Variants in VPS13B observed in about 807,000 individuals in gnomAD.
VPS13B encodes the protein vacuolar protein sorting 13 homolog B, also known as intermembrane lipid transfer protein VPS13B.
In VPS13B, 285 loss-of-function variants were observed where a neutral mutation model predicts 426.4. The observed-to-expected ratio is 0.67, with a 90% CI of 0.61 to 0.74. The LOEUF (loss-of-function observed/expected upper bound fraction) is 0.74, where lower values mean the gene tolerates loss of function less well. VPS13B is among the 30% of genes least tolerant of loss of function. The probability of loss-of-function intolerance (pLI) is 0.00; values close to 1 mark genes in which losing one functional copy is unlikely to be tolerated. For missense variants in VPS13B, 4,537 were observed against 4,782.6 expected (o/e 0.95, Z 1.51); for synonymous variants, 1,676 against 1,676.4 (o/e 1.00, Z 0.01).
chr8:99,568,796 C>T (rs1330629984), intron 31 of VPS13B, among the ~76,000 whole-genome samples: 4 of 150,640 alleles, frequency 2.7e-5, no homozygotes, highest in African/African-American at 9.7e-5. Context: ...GTGATAACCA[C>T]AAGTTTTTTT....
At chr8:99,312,770 C>G (rs1220305234) in intron 19 of VPS13B, among the ~76,000 whole-genome samples, 1 of 152,170 alleles carries the variant, frequency 6.6e-6, no homozygotes, top group Non-Finnish European at 1.5e-5. Flanking sequence ...TGTTTTCTGA[C>G]TTGGTTCCAT....
intron 33 of VPS13B, among the ~76,000 whole-genome samples, chr8:99,612,655 T>C (rs777143180): frequency 1.6e-4 from 25 of 152,216 alleles, no homozygotes; most frequent in Non-Finnish European, 7.3e-5. Context: ...TTATTCTTTC[T>C]CACAGAAACC....
At chr8:99,123,361 C>CTG (rs1281950868) in intron 8 of VPS13B, among the ~76,000 whole-genome samples, 2 of 151,852 alleles carry the variant, frequency 1.3e-5, no homozygotes, top group African/African-American at 4.8e-5. Flanking sequence ...AGCAAGGAAG[C>CTG]CAGTGGGGCA....
chr8:99,556,014 C>A (rs1031802710), intron 30 of VPS13B, among the ~76,000 whole-genome samples: 2 of 151,962 alleles, frequency 1.3e-5, no homozygotes, highest in Non-Finnish European at 2.9e-5. Flanking sequence ...GAGTAAAAAA[C>A]AAAAAACAAA....
intron 35 of VPS13B, among the ~76,000 whole-genome samples, chr8:99,681,027 G>C (rs1368585546): frequency 6.6e-6 from 1 of 151,792 alleles, no homozygotes; most frequent in Non-Finnish European, 1.5e-5. Flanking sequence ...CACTATTTTT[G>C]CATATTTTTT....
At chr8:99,834,474 A>G (rs917601074) in intron 52 of VPS13B, among the ~76,000 whole-genome samples, 9 of 152,088 alleles carry the variant, frequency 5.9e-5, no homozygotes, top group Non-Finnish European at 1.2e-4. Flanking sequence ...CTACCTCTAG[A>G]AAAAAAAGAG....
At position 99,528,390 on chromosome 8, in the gene VPS13B, C is replaced by T. The variant is rs1163365904; in HGVS notation, c.4745+7380C>T. Among the ~76,000 whole-genome samples the T allele has an allele frequency of 3.3e-5, 5 of 152,142 alleles. No individual in the cohort carries two copies. The South Asian group carries it at 6.2e-4, about 19-fold the overall frequency. On this transcript the variant is annotated intron_variant, in intron 30 of 61. Transcript: ENST00000357162. ...TTAATATTTGCAGCTATTCAACAGA[C>T]ATTGAGTGCTTATGATGACTAGACA...
At chr8:99,496,110 A>T (rs1820867861) in intron 25 of VPS13B, among the ~76,000 whole-genome samples, 1 of 152,186 alleles carries the variant, frequency 6.6e-6, no homozygotes, top group South Asian at 2.1e-4. Flanking sequence ...TGTATTATAG[A>T]AGGGAGAGCA....
intron 35 of VPS13B, among the ~76,000 whole-genome samples, chr8:99,695,503 T>A (rs1490689328): frequency 1.6e-5 from 2 of 123,262 alleles, no homozygotes; most frequent in Admixed American, 9.7e-5. Flanking sequence ...AACAATGAGA[T>A]CACATGGACA....
intron 33 of VPS13B, among the ~76,000 whole-genome samples, chr8:99,630,892 G>T (rs1021931912): frequency 6.6e-6 from 1 of 152,084 alleles, no homozygotes; most frequent in African/African-American, 2.4e-5. Context: ...AAGTAAAAAG[G>T]AAACAGCAAG....
At chr8:99,505,124 G>A (rs1173792001) in intron 27 of VPS13B, among the ~76,000 whole-genome samples, 1 of 152,206 alleles carries the variant, frequency 6.6e-6, no homozygotes, top group East Asian at 1.9e-4. Flanking sequence ...AAGAGAGTTA[G>A]GGTCTTGCTC....
chr8:99,863,278 CA>C (rs1343567950), intron 58 of VPS13B, among the ~76,000 whole-genome samples: 2 of 151,956 alleles, frequency 1.3e-5, no homozygotes, highest in African/African-American at 4.8e-5. Flanking sequence ...AGTGCCTCAG[CA>C]AAAAGAAATA....
chr8:99,729,340 A>C (rs1453707238), intron 39 of VPS13B, among the ~76,000 whole-genome samples: 1 of 152,168 alleles, frequency 6.6e-6, no homozygotes, highest in Non-Finnish European at 1.5e-5. Context: ...CTTTGCAAAT[A>C]TCTGGAAAAG....
chr8:99,379,351 G>A (rs1160365102), intron 19 of VPS13B, among the ~76,000 whole-genome samples: 1 of 151,214 alleles, frequency 6.6e-6, no homozygotes, highest in African/African-American at 2.4e-5. Flanking sequence ...ATTTTTTTTT[G>A]GCGGATGGGC....
intron 19 of VPS13B, among the ~76,000 whole-genome samples, chr8:99,307,557 A>G (rs1485046187): frequency 6.6e-6 from 1 of 152,000 alleles, no homozygotes; most frequent in Non-Finnish European, 1.5e-5. Flanking sequence ...CCTAAATATA[A>G]TTTCATTTAG....
intron 23 of VPS13B, 54 bp downstream of exon 23, chr8:99,442,689 A>T: frequency 6.5e-7 from 1 of 1,542,848 alleles, no homozygotes; most frequent in Non-Finnish European, 8.9e-7. Context: ...ACATTTTTAG[A>T]TTTGTTGGTG....
intron 19 of VPS13B, among the ~76,000 whole-genome samples, chr8:99,290,645 A>G (rs962074973): frequency 2.0e-5 from 3 of 151,852 alleles, no homozygotes; most frequent in African/African-American, 7.3e-5. Flanking sequence ...CCTAGAACTT[A>G]AAGTATAATA....
intron 7 of VPS13B, among the ~76,000 whole-genome samples, 189 bp from the exon 8 acceptor site, chr8:99,120,988 G>A (rs866605364): frequency 3.3e-5 from 5 of 152,160 alleles, no homozygotes; most frequent in African/African-American, 7.2e-5. Context: ...AGAAAGATAC[G>A]GTACAACATA....
intron 23 of VPS13B, among the ~76,000 whole-genome samples, chr8:99,466,002 G>A (rs1374766406): frequency 1.3e-5 from 2 of 151,826 alleles, no homozygotes; most frequent in Non-Finnish European, 2.9e-5. Flanking sequence ...GTATCTTCTG[G>A]TACCTACTGA....
Sources: gnomAD v4.1 joint callset for allele counts (sites outside exome capture counted in the v4.1 genomes callset) on GRCh38, gnomAD v4.1.1 for gene constraint, MANE v1.5 for transcripts, NCBI Gene and HGNC (gene_info 2026-07-23, HGNC 2026-07-21) for gene names.